The following LGR5 variants were observed in gnomAD, a reference collection of about 807,000 sequenced individuals.
LGR5 encodes leucine-rich repeat-containing G protein-coupled receptor 5.
A neutral mutation model predicts 76.7 loss-of-function variants in LGR5; 54 were observed. That is an observed-to-expected ratio of 0.70 (90% CI 0.57 to 0.88). The LOEUF (loss-of-function observed/expected upper bound fraction) is 0.88, where lower values mean the gene tolerates loss of function less well. Among genes scored for constraint, LGR5 ranks in the 40% least tolerant of loss-of-function variants. The pLI, the probability that LGR5 is intolerant of heterozygous loss-of-function variation, is 0.00. For synonymous variants in LGR5, 406 were observed against 421.9 expected (o/e 0.96, Z 0.46); for missense variants, 1,078 against 1,073.3 (o/e 1.00, Z -0.06).
chr12:71,513,283 G>GT (rs1875260185), intron 2 of LGR5, among the ~76,000 whole-genome samples: 1 of 152,192 alleles, frequency 6.6e-6, no homozygotes, highest in Admixed American at 6.5e-5. Flanking sequence ...GGTAAGAGTA[G>GT]TAAGATTGTG....
chr12:71,571,606 T>C, intron 12 of LGR5, 27 bp downstream of exon 12: 2 of 1,542,162 alleles, frequency 1.3e-6, no homozygotes, highest in Non-Finnish European at 1.8e-6. Flanking sequence ...CTAAGTCACC[T>C]AGCAAAAATC....
intron 13 of LGR5, among the ~76,000 whole-genome samples, chr12:71,573,347 CT>C (rs1438543418): frequency 6.6e-6 from 1 of 152,080 alleles, no homozygotes; most frequent in Non-Finnish European, 1.5e-5. Flanking sequence ...AAAATACAGA[CT>C]CCAGAACCTT....
chr12:71,576,238 CTTAAAA>C (rs747198075), intron 13 of LGR5, among the ~76,000 whole-genome samples: 5 of 152,190 alleles, frequency 3.3e-5, no homozygotes, highest in South Asian at 2.1e-4. Flanking sequence ...TATCCTGGAA[CTTAAAA>C]TTAAATTAAA....
chr12:71,513,244 A>C (rs1183865298), intron 2 of LGR5, among the ~76,000 whole-genome samples: 1 of 152,238 alleles, frequency 6.6e-6, no homozygotes, highest in Non-Finnish European at 1.5e-5. Flanking sequence ...AGAGCCTAGC[A>C]AAAGGAAGAA....
At chr12:71,554,745 G>A (rs1877671912) in intron 5 of LGR5, among the ~76,000 whole-genome samples, 1 of 152,120 alleles carries the variant, frequency 6.6e-6, no homozygotes, top group Admixed American at 6.5e-5. Context: ...TGCAGAAGTG[G>A]TTTAATTGAC....
At chr12:71,541,597 C>A (rs2053767578) in intron 4 of LGR5, among the ~76,000 whole-genome samples, 1 of 152,176 alleles carries the variant, frequency 6.6e-6, no homozygotes, top group African/African-American at 2.4e-5. Flanking sequence ...ATTGCAAAGA[C>A]AAAATCAGAA....
intron 4 of LGR5, among the ~76,000 whole-genome samples, chr12:71,543,161 G>A (rs1876972995): frequency 6.6e-6 from 1 of 152,150 alleles, no homozygotes; most frequent in African/African-American, 2.4e-5. Context: ...TAGGGCCATA[G>A]GCTAGACAGC....
intron 2 of LGR5, among the ~76,000 whole-genome samples, chr12:71,518,179 A>G (rs1379845648): frequency 1.3e-5 from 2 of 152,214 alleles, no homozygotes; most frequent in African/African-American, 4.8e-5. Context: ...AAAAACAAAA[A>G]ATTAAAAAGT....
intron 4 of LGR5, among the ~76,000 whole-genome samples, chr12:71,548,324 T>TGTGTGTGTGTGTGTGTGTGTGTGTGC (rs1555173645): frequency 6.6e-6 from 1 of 151,790 alleles, no homozygotes; most frequent in Non-Finnish European, 1.5e-5. Flanking sequence ...TGTGTGTGTG[T>TGTGTGTGTGTGTGTGTGTGTGTGTGC]GCGTAGATAC....
chr12:71,542,073 G>A (rs17109797), intron 4 of LGR5, among the ~76,000 whole-genome samples: 21,223 of 152,214 alleles, frequency 0.14, 1,594 homozygotes, highest in Middle Eastern at 0.17. Context: ...ATATCAAAGC[G>A]TGAGCCAGTC....
chr12:71,533,214 G>A (rs1374774430), intron 3 of LGR5, among the ~76,000 whole-genome samples: 1 of 152,070 alleles, frequency 6.6e-6, no homozygotes, highest in African/African-American at 2.4e-5. Context: ...GCACGGTGAT[G>A]CATGCCTGTA....
At chr12:71,535,607 C>T (rs970667839) in intron 4 of LGR5, among the ~76,000 whole-genome samples, 7 of 151,974 alleles carry the variant, frequency 4.6e-5, no homozygotes, top group Admixed American at 1.3e-4. Flanking sequence ...CAAGTTTTTT[C>T]GAGTCAAATA....
chr12:71,443,127 TC>T (rs1871838728), intron 1 of LGR5, among the ~76,000 whole-genome samples: 1 of 152,184 alleles, frequency 6.6e-6, no homozygotes. Context: ...TTCCTTTTCT[TC>T]AAACAGATTG....
intron 1 of LGR5, among the ~76,000 whole-genome samples, chr12:71,452,180 A>T (rs1051869078): frequency 1.3e-5 from 2 of 152,152 alleles, no homozygotes; most frequent in Non-Finnish European, 2.9e-5. Context: ...GTGGCTCTGC[A>T]TGGAATGGTG....
intron 5 of LGR5, among the ~76,000 whole-genome samples, chr12:71,555,722 C>A (rs982907487): frequency 1.3e-5 from 2 of 152,140 alleles, no homozygotes; most frequent in Non-Finnish European, 2.9e-5. Flanking sequence ...ACAAATATGC[C>A]TTGAGAATGT....
intron 1 of LGR5, among the ~76,000 whole-genome samples, chr12:71,470,137 G>A (rs1873034699): frequency 6.6e-6 from 1 of 152,080 alleles, no homozygotes; most frequent in African/African-American, 2.4e-5. Flanking sequence ...GTTGATACTG[G>A]GTCATGAAAT....
chr12:71,496,057 A>T (rs1270030517), intron 1 of LGR5, among the ~76,000 whole-genome samples: 2 of 152,156 alleles, frequency 1.3e-5, no homozygotes, highest in African/African-American at 4.8e-5. Flanking sequence ...ATCACTGTAC[A>T]TGCCAAAATG....
chr12:71,561,642 T>G (rs755225023), intron 7 of LGR5, 139 bp from the exon 8 acceptor site: 3 of 451,510 alleles, frequency 6.6e-6, no homozygotes, highest in Middle Eastern at 5.6e-4. Context: ...GCACCTAAGT[T>G]TCAAGATGCA....
chr12:71,440,412 C>A lies in LGR5; in HGVS notation c.212+120C>A. On this transcript the variant is annotated intron_variant, in intron 1 of 17. Coordinates refer to ENST00000266674, the MANE Select transcript of LGR5 (RefSeq NM_003667.4). This position sits in a 1 kb window ranked among gnomAD's most constrained non-coding sequence, Gnocchi z 5.3. ...TCGTGGGGGAGGGGGGCGAGTTTGT[C>A]AAGGGCATCCTGGCCAGGCCTGTTA... 1 of 920,112 alleles carries A rather than the reference C, an allele frequency of 1.1e-6. No individual in the cohort carries two copies. The highest frequency in any genetic ancestry group is 1.7e-6 in the Non-Finnish European group (1 of 587,938). 57.0% of individuals were successfully genotyped at this position (920,112 alleles called of 1,614,324 possible).
Sources: gnomAD v4.1 joint callset for allele counts (sites outside exome capture counted in the v4.1 genomes callset) on GRCh38, gnomAD v4.1.1 for gene constraint, Gnocchi (gnomAD v3.1) non-coding constraint, MANE v1.5 for transcripts, NCBI Gene and HGNC (gene_info 2026-07-23, HGNC 2026-07-21) for gene names.